TPP2: variants seen among roughly 807,000 people sequenced by gnomAD.
The protein encoded by TPP2 is tripeptidyl peptidase 2.
A neutral mutation model predicts 155.9 loss-of-function variants in TPP2; 34 were observed. That is an observed-to-expected ratio of 0.22 (90% CI 0.17 to 0.29). The LOEUF is 0.29. TPP2 is among the 10% of genes least tolerant of loss of function. The pLI is 1.00. For synonymous variants in TPP2, 510 were observed against 529.4 expected (o/e 0.96, Z 0.50); for missense variants, 1,028 against 1,522.3 (o/e 0.68, Z 5.40).
intron 2 of TPP2, among the ~76,000 whole-genome samples, chr13:102,612,928 T>C (rs1482463232): frequency 6.6e-6 from 1 of 152,238 alleles, no homozygotes; most frequent in East Asian, 1.9e-4. Context: ...AAGTTGCTGC[T>C]AGCCACCTGT....
intron 1 of TPP2, among the ~76,000 whole-genome samples, chr13:102,597,909 C>T (rs1879101058): frequency 6.6e-6 from 1 of 151,202 alleles, no homozygotes; most frequent in African/African-American, 2.4e-5. Context: ...GCTTAGTCTT[C>T]GTTTACATAA....
chr13:102,619,906 C>G (rs16960248), intron 5 of TPP2, among the ~76,000 whole-genome samples: 3 of 152,100 alleles, frequency 2.0e-5, no homozygotes, highest in South Asian at 2.1e-4. Context: ...TAACATGATA[C>G]AGTCACACTC....
rs1159045103 is a variant in TPP2 at position 102,678,845 on chromosome 13, A to G, written c.*529A>G. 6.8e-6 allele frequency: 1 copy of G among 146,714 alleles called. No homozygotes were observed. The allele number at this position is 146,714 out of a possible 1,614,324, so 9.1% of individuals were successfully genotyped here. On this transcript the variant is annotated 3_prime_UTR_variant, in exon 30 of 30. Transcript: ENST00000376052. Reference sequence around the variant, plus strand: ...CAAATGTTTACATTCAATTAAGGGGAAAAAGTAGAACCAGCACAAATGAGT... The same window carrying G: ...CAAATGTTTACATTCAATTAAGGGGGAAAAGTAGAACCAGCACAAATGAGT...
At position 102,627,741 on chromosome 13, in the gene TPP2, A is replaced by T. The variant is rs1368956453; in HGVS notation, c.940-107A>T. On this transcript the variant is annotated intron_variant, in intron 7 of 29. Coordinates refer to ENST00000376052, the MANE Select transcript of TPP2 (RefSeq NM_001330588.2). ...TGCCTGGAGGTAACTTATAAATTAG[A>T]ATATGATTGGCTAAGAAACTATAGG... 8 of 766,034 alleles carry T rather than the reference A, an allele frequency of 1.0e-5. No individual in the cohort carries two copies. The Admixed American group carries it at 2.4e-4, about 23-fold the overall frequency. 47.5% of individuals were successfully genotyped at this position (766,034 alleles called of 1,614,324 possible).
rs1277039643 is a variant in TPP2 at position 102,616,280 on chromosome 13, CTA to C, written c.391-114_391-113del. The C allele has an allele frequency of 1.1e-5, 9 of 787,628 alleles. No homozygotes were observed. The African/African-American group carries it at 1.4e-4, about 12-fold the overall frequency. The allele number at this position is 787,628 out of a possible 1,614,324, so 48.8% of individuals were successfully genotyped here. On this transcript the variant is annotated intron_variant, in intron 3 of 29. Coordinates refer to ENST00000376052, the MANE Select transcript of TPP2 (RefSeq NM_001330588.2). The stretch of plus-strand genomic sequence containing the variant: ...CCAAAAATGATTTTTTAAAACCTCT[CTA>C]TGAGAATTGTGTAGTATCACAACTG...
intron 16 of TPP2, among the ~76,000 whole-genome samples, chr13:102,640,706 AGTGGCAT>A (rs1882705690): frequency 8.3e-6 from 1 of 121,212 alleles, no homozygotes; most frequent in Non-Finnish European, 1.6e-5. Context: ...GCTGGAGTGC[AGTGGCAT>A]GATCTCGGCT....
At chr13:102,637,359 C>T in intron 14 of TPP2, 120 bp downstream of exon 14, 1 of 1,061,776 alleles carries the variant, frequency 9.4e-7, no homozygotes, top group African/African-American at 1.7e-5. Flanking sequence ...TAGACCTATC[C>T]ATCTGCCAGG....
At chr13:102,635,850 C>A in intron 12 of TPP2, 148 bp downstream of exon 12, 1 of 666,210 alleles carries the variant, frequency 1.5e-6, no homozygotes, top group Non-Finnish European at 2.5e-6. Flanking sequence ...AAAAAGGATA[C>A]ACAAACAAAT....
At chr13:102,668,064 C>T (rs1595217247) in intron 27 of TPP2, among the ~76,000 whole-genome samples, 1 of 152,292 alleles carries the variant, frequency 6.6e-6, no homozygotes, top group East Asian at 1.9e-4. Context: ...CAGTCCTGCA[C>T]ATGAATGATC....
intron 27 of TPP2, among the ~76,000 whole-genome samples, chr13:102,673,150 G>A (rs1245272686): frequency 6.6e-6 from 1 of 152,192 alleles, no homozygotes; most frequent in Non-Finnish European, 1.5e-5. Flanking sequence ...TAGCGTTCAT[G>A]TTCCCTGCCA....
intron 25 of TPP2, among the ~76,000 whole-genome samples, chr13:102,662,307 A>T (rs1884283713): frequency 6.6e-6 from 1 of 152,180 alleles, no homozygotes; most frequent in Non-Finnish European, 1.5e-5. Flanking sequence ...TTTTGTATTG[A>T]TGAAAAATGT....
intron 19 of TPP2, 55 bp downstream of exon 19, chr13:102,645,064 C>A: frequency 6.7e-7 from 1 of 1,501,128 alleles, no homozygotes; most frequent in Non-Finnish European, 9.0e-7. Flanking sequence ...GGGGGGATCT[C>A]TTACACTCTT....
intron 2 of TPP2, among the ~76,000 whole-genome samples, chr13:102,612,018 A>G (rs1880363013): frequency 6.6e-6 from 1 of 152,200 alleles, no homozygotes; most frequent in Non-Finnish European, 1.5e-5. Flanking sequence ...TAATTTTAGT[A>G]GCATTTTGGA....
At chr13:102,646,412 T>C (rs765016821) in intron 20 of TPP2, 22 bp downstream of exon 20, 1 of 1,586,786 alleles carries the variant, frequency 6.3e-7, no homozygotes, top group Admixed American at 1.7e-5. Context: ...CCTAGTAAAG[T>C]GTACCCTTAG....
At chr13:102,623,275 A>G (rs1309631479) in intron 6 of TPP2, among the ~76,000 whole-genome samples, 1 of 152,152 alleles carries the variant, frequency 6.6e-6, no homozygotes, top group Non-Finnish European at 1.5e-5. Context: ...CAGAAAATCC[A>G]TCAATAGGCT....
At chr13:102,615,141 T>C (rs1021602639) in intron 3 of TPP2, among the ~76,000 whole-genome samples, 5 of 152,344 alleles carry the variant, frequency 3.3e-5, no homozygotes, top group Middle Eastern at 3.4e-3. Context: ...TGTCAGTTTC[T>C]AATCATTCTG....
At chr13:102,643,921 C>T (rs1290503629) in intron 17 of TPP2, among the ~76,000 whole-genome samples, 1 of 152,170 alleles carries the variant, frequency 6.6e-6, no homozygotes, top group East Asian at 1.9e-4. Context: ...TCAGTTGGTT[C>T]TGGGATTTTC....
rs1885497404 is a variant in TPP2 at position 102,679,442 on chromosome 13, G to A, written c.*1126G>A. On this transcript the variant is annotated 3_prime_UTR_variant, in exon 30 of 30. Coordinates refer to ENST00000376052, the MANE Select transcript of TPP2 (RefSeq NM_001330588.2). ...CAAAAGTAGTATTGAAAAGTTTACAGTCCCTTATCTAATGGCAAATTGTGT... is the reference window on the plus strand; with the variant it reads ...CAAAAGTAGTATTGAAAAGTTTACAATCCCTTATCTAATGGCAAATTGTGT... 1 of 152,186 alleles carries A rather than the reference G, an allele frequency of 6.6e-6. No individual in the cohort carries two copies. Among genetic ancestry groups the A allele is most frequent in the African/African-American group, 2.4e-5 (1 of 41,446 alleles). The allele number at this position is 152,186 out of a possible 1,614,324, so 9.4% of individuals were successfully genotyped here.
At chr13:102,604,696 A>T (rs185786070) in intron 1 of TPP2, 97 bp from the exon 2 acceptor site, 10 of 1,347,724 alleles carry the variant, frequency 7.4e-6, no homozygotes, top group Admixed American at 5.6e-5. Context: ...GTGAATGTAG[A>T]TTTTGTATAT....
Sources: gnomAD v4.1 joint callset for allele counts (sites outside exome capture counted in the v4.1 genomes callset) on GRCh38, gnomAD v4.1.1 for gene constraint, MANE v1.5 for transcripts, NCBI Gene and HGNC (gene_info 2026-07-23, HGNC 2026-07-21) for gene names.